The following CNTNAP2 variants were observed in gnomAD, a reference collection of about 807,000 sequenced individuals.
CNTNAP2 encodes contactin-associated protein-like 2.
CNTNAP2 carries 98 observed loss-of-function variants against 155.2 expected under a neutral mutation model. The observed-to-expected ratio is 0.63, with a 90% CI of 0.54 to 0.75. The LOEUF (loss-of-function observed/expected upper bound fraction) is 0.75. CNTNAP2 is among the 30% of genes least tolerant of loss of function. The pLI is 0.00. For missense variants in CNTNAP2, 1,727 were observed against 1,688.1 expected (o/e 1.02, Z -0.40); for synonymous variants, 651 against 631.2 (o/e 1.03, Z -0.47).
At chr7:146,795,771 C>T (rs1176290460) in intron 2 of CNTNAP2, among the ~76,000 whole-genome samples, 2 of 152,114 alleles carry the variant, frequency 1.3e-5, no homozygotes, top group South Asian at 2.1e-4. Context: ...ACACCTTATG[C>T]CCCAGCAATT....
At chr7:147,838,641 T>C (rs1798670688) in intron 13 of CNTNAP2, among the ~76,000 whole-genome samples, 1 of 152,176 alleles carries the variant, frequency 6.6e-6, no homozygotes, top group Admixed American at 6.5e-5. Flanking sequence ...TCACCTTTGC[T>C]CCAGTTCCCA....
chr7:146,262,108 A>T (rs961013263), intron 1 of CNTNAP2, among the ~76,000 whole-genome samples: 2 of 152,148 alleles, frequency 1.3e-5, no homozygotes, highest in East Asian at 3.9e-4. Context: ...CCACTCAGCC[A>T]TTTCATTTCA....
intron 2 of CNTNAP2, among the ~76,000 whole-genome samples, chr7:146,781,480 C>T (rs1002001051): frequency 5.9e-5 from 9 of 152,092 alleles, no homozygotes; most frequent in African/African-American, 2.2e-4. Flanking sequence ...CAGATAATCA[C>T]TGTAGGCTGG....
intron 1 of CNTNAP2, among the ~76,000 whole-genome samples, chr7:146,162,249 A>T (rs533352989): frequency 4.4e-4 from 67 of 152,284 alleles, no homozygotes; most frequent in African/African-American, 1.5e-3. Context: ...GAGAAAATTT[A>T]TACAATCTAC....
At position 148,331,751 on chromosome 7, in the gene CNTNAP2, C is replaced by CGGATGGATGGAAT. The variant is rs1798026677; in HGVS notation, c.3476-51895_3476-51894insTGGATGGAATGGA. 8.9e-4 allele frequency among the ~76,000 whole-genome samples: 18 copies of CGGATGGATGGAAT among 20,264 alleles called. 1 individual carries two copies. The highest frequency in any genetic ancestry group is 1.9e-3 in the Admixed American group (4 of 2,126). The allele number at this position is 20,264 out of a possible 152,430, so 13.3% of individuals were successfully genotyped here. ...GGATGGATGGAGTGGATGGATGGAA[C>CGGATGGATGGAAT]GGACGGATGGATTGGATGGATGGAA... On this transcript the variant is annotated intron_variant, in intron 21 of 23. Coordinates refer to ENST00000361727, the MANE Select transcript of CNTNAP2 (RefSeq NM_014141.6).
At chr7:148,408,082 T>A (rs954213454) in intron 22 of CNTNAP2, among the ~76,000 whole-genome samples, 1 of 151,944 alleles carries the variant, frequency 6.6e-6, no homozygotes, top group African/African-American at 2.4e-5. Flanking sequence ...CTGTCTCTAC[T>A]AAAAATACAA....
chr7:147,315,525 A>T (rs1584867317), intron 9 of CNTNAP2, among the ~76,000 whole-genome samples: 1 of 130,140 alleles, frequency 7.7e-6, no homozygotes. Context: ...TCTGTCCCCC[A>T]GGCTGGAGTG....
chr7:147,004,146 G>T (rs114198013), intron 3 of CNTNAP2, among the ~76,000 whole-genome samples: 1,795 of 140,538 alleles, frequency 0.013, 46 homozygotes, highest in African/African-American at 0.045. Context: ...TTGGTTAGAT[G>T]TACAAAAAAC....
intron 8 of CNTNAP2, among the ~76,000 whole-genome samples, chr7:147,204,630 C>T (rs1802982898): frequency 6.6e-6 from 1 of 151,892 alleles, no homozygotes; most frequent in African/African-American, 2.4e-5. Context: ...TTTCTAGGTA[C>T]CTAGTGTTGA....
intron 1 of CNTNAP2, among the ~76,000 whole-genome samples, chr7:146,755,143 G>C (rs1410161295): frequency 6.6e-6 from 1 of 151,870 alleles, no homozygotes; most frequent in South Asian, 2.1e-4. Context: ...TGGAATTTGT[G>C]CCTGTAAACC....
intron 15 of CNTNAP2, among the ~76,000 whole-genome samples, chr7:148,050,153 C>T (rs1802860803): frequency 1.3e-5 from 2 of 152,170 alleles, no homozygotes; most frequent in South Asian, 4.1e-4. Flanking sequence ...GAACAAGACT[C>T]TATCTCAAAC....
chr7:147,032,533 C>T (rs577459229), intron 3 of CNTNAP2, among the ~76,000 whole-genome samples: 140 of 152,230 alleles, frequency 9.2e-4, no homozygotes, highest in Non-Finnish European at 1.5e-3. Context: ...GAAGTGAGCC[C>T]GGATCCCTGA....
intron 3 of CNTNAP2, among the ~76,000 whole-genome samples, chr7:146,996,961 G>T (rs181464572): frequency 1.8e-3 from 270 of 152,144 alleles, no homozygotes; most frequent in Admixed American, 3.1e-3. Context: ...CTTTCGCTTG[G>T]CTCTCATTCT....
chr7:148,013,430 A>C (rs1802117136), intron 15 of CNTNAP2, among the ~76,000 whole-genome samples: 1 of 152,220 alleles, frequency 6.6e-6, no homozygotes, highest in African/African-American at 2.4e-5. Context: ...TTAAAACCTC[A>C]TTCTTCCAGA....
At chr7:146,531,657 TGCCTCA>T (rs1797771592) in intron 1 of CNTNAP2, among the ~76,000 whole-genome samples, 1 of 152,152 alleles carries the variant, frequency 6.6e-6, no homozygotes, top group African/African-American at 2.4e-5. Context: ...GTGATTCTCC[TGCCTCA>T]GCCTCCCAAG....
At chr7:146,952,680 T>C (rs945642294) in intron 3 of CNTNAP2, among the ~76,000 whole-genome samples, 3 of 152,216 alleles carry the variant, frequency 2.0e-5, no homozygotes, top group East Asian at 3.9e-4. Context: ...CATTCACAAT[T>C]GCTACACAGA....
At chr7:146,406,449 C>T (rs1795793330) in intron 1 of CNTNAP2, among the ~76,000 whole-genome samples, 1 of 152,188 alleles carries the variant, frequency 6.6e-6, no homozygotes, top group African/African-American at 2.4e-5. Context: ...ATATTTCTTT[C>T]TAGGACAGTT....
intron 3 of CNTNAP2, among the ~76,000 whole-genome samples, chr7:146,850,146 G>T (rs912945672): frequency 1.1e-4 from 16 of 152,284 alleles, no homozygotes; most frequent in African/African-American, 3.8e-4. Context: ...AAGATATAGT[G>T]CTGACAGGCT....
chr7:146,508,979 G>A (rs183114897), intron 1 of CNTNAP2, among the ~76,000 whole-genome samples: 4 of 152,232 alleles, frequency 2.6e-5, no homozygotes, highest in Admixed American at 2.6e-4. Flanking sequence ...TTCCCCGAGG[G>A]CTGCCATGGC....
Sources: allele counts gnomAD v4.1 joint callset (sites outside exome capture counted in the v4.1 genomes callset), GRCh38; gene constraint gnomAD v4.1.1; transcripts MANE v1.5; gene names NCBI Gene and HGNC (gene_info 2026-07-23, HGNC 2026-07-21).